Variants in MSH4 observed in about 807,000 individuals in gnomAD.
MSH4 encodes the protein mutS homolog 4, also known as mutS protein homolog 4.
MSH4 carries 106 observed loss-of-function variants against 113.7 expected under a neutral mutation model. The observed-to-expected ratio is 0.93, with a 90% CI of 0.80 to 1.10. The LOEUF (loss-of-function observed/expected upper bound fraction) is 1.10, where lower values mean the gene tolerates loss of function less well. Among genes scored for constraint, MSH4 ranks in the 50% least tolerant of loss-of-function variants. The pLI, the probability that MSH4 is intolerant of heterozygous loss-of-function variation, is 0.00. For synonymous variants in MSH4, 368 were observed against 380.2 expected, an observed-to-expected ratio of 0.97 and a Z score of 0.37; for missense variants, 1,061 against 1,093.7, an observed-to-expected ratio of 0.97 and a Z score of 0.42.
intron 8 of MSH4, among the ~76,000 whole-genome samples, chr1:75,850,047 T>G (rs1651153583): frequency 6.6e-6 from 1 of 152,126 alleles, no homozygotes; most frequent in Non-Finnish European, 1.5e-5. Flanking sequence ...ACTGATAATT[T>G]TAATATGTTC....
intron 7 of MSH4, among the ~76,000 whole-genome samples, chr1:75,837,006 G>A (rs796386778): frequency 6.6e-6 from 1 of 152,156 alleles, no homozygotes; most frequent in Non-Finnish European, 1.5e-5. Flanking sequence ...AGCATTTGCT[G>A]TGATCTACAT....
chr1:75,886,841 AT>A (rs1557525416), intron 15 of MSH4, among the ~76,000 whole-genome samples: 22 of 1,104 alleles, frequency 0.02, no homozygotes, highest in Admixed American at 0.067. Context: ...TATATATATT[AT>A]ATATATATAT....
chr1:75,912,329 C>A (rs1652804187), intron 19 of MSH4, among the ~76,000 whole-genome samples: 1 of 151,958 alleles, frequency 6.6e-6, no homozygotes, highest in Non-Finnish European at 1.5e-5. Flanking sequence ...TTTCCCATAC[C>A]TTTTTAATGG....
At chr1:75,869,560 C>T (rs1651666313) in intron 9 of MSH4, among the ~76,000 whole-genome samples, 1 of 152,150 alleles carries the variant, frequency 6.6e-6, no homozygotes, top group South Asian at 2.1e-4. Flanking sequence ...TTGCTCTGTG[C>T]AGCCTAGGGA....
chr1:75,854,002 AGT>A (rs147430823), intron 8 of MSH4, among the ~76,000 whole-genome samples: 2,840 of 22,124 alleles, frequency 0.13, 127 homozygotes, highest in African/African-American at 0.2. Flanking sequence ...CTAGGGCATA[AGT>A]GTGTGTGTGT....
chr1:75,894,212 G>A (rs1273483103), intron 17 of MSH4, among the ~76,000 whole-genome samples: 1 of 152,188 alleles, frequency 6.6e-6, no homozygotes, highest in Non-Finnish European at 1.5e-5. Flanking sequence ...GGATCCCAGG[G>A]TGGTAGGGGC....
intron 7 of MSH4, among the ~76,000 whole-genome samples, chr1:75,832,507 C>T (rs1036975749): frequency 1.7e-4 from 26 of 152,246 alleles, no homozygotes; most frequent in South Asian, 1.0e-3. Flanking sequence ...GACCAATATC[C>T]CTGATGAACA....
intron 6 of MSH4, 71 bp downstream of exon 6, chr1:75,816,617 A>C: frequency 1.0e-6 from 1 of 966,410 alleles, no homozygotes; most frequent in Non-Finnish European, 1.4e-6. Context: ...GGTAACTTTA[A>C]AGTTCTTTTT....
chr1:75,811,491 A>T (rs1435141675), intron 4 of MSH4, among the ~76,000 whole-genome samples: 2 of 152,210 alleles, frequency 1.3e-5, no homozygotes, highest in Non-Finnish European at 2.9e-5. Flanking sequence ...ACTGGTTGAA[A>T]TTGAAGTTCT....
chr1:75,800,797 C>A (rs1049276204), intron 1 of MSH4, among the ~76,000 whole-genome samples: 2 of 151,960 alleles, frequency 1.3e-5, no homozygotes, highest in African/African-American at 4.8e-5. Context: ...AGGTTTATGC[C>A]CAAGAGATAG....
chr1:75,882,115 A>T (rs920944341), intron 14 of MSH4, among the ~76,000 whole-genome samples: 1 of 152,062 alleles, frequency 6.6e-6, no homozygotes, highest in Non-Finnish European at 1.5e-5. Context: ...TGGAAATATT[A>T]ACTTTTTCTA....
At chr1:75,893,582 G>C (rs531961123) in intron 17 of MSH4, among the ~76,000 whole-genome samples, 1 of 152,294 alleles carries the variant, frequency 6.6e-6, no homozygotes, top group South Asian at 2.1e-4. Context: ...CCCAGCCAAT[G>C]CTGAGTCTCC....
At chr1:75,882,121 T>C (rs1025368548) in intron 14 of MSH4, among the ~76,000 whole-genome samples, 1 of 152,116 alleles carries the variant, frequency 6.6e-6, no homozygotes, top group African/African-American at 2.4e-5. Flanking sequence ...TATTAACTTT[T>C]TCTATTGGTA....
intron 15 of MSH4, among the ~76,000 whole-genome samples, chr1:75,885,790 ATAC>A (rs1489259191): frequency 8.5e-6 from 1 of 117,656 alleles, no homozygotes; most frequent in African/African-American, 3.3e-5. Context: ...TATAGTATAT[ATAC>A]TATATAATGT....
In MSH4 at chr1:75,797,238, T is replaced by TG; in HGVS notation, c.244+10dup. The stretch of plus-strand genomic sequence containing the variant: ...CTCCCGGCCAGCTCAAGGCAAGGAG[T>TG]GATTGGGTGGAGGAGTCTCCTTGAG... On this transcript the variant is annotated intron_variant, in intron 1 of 19. Transcript: ENST00000263187. 6.3e-7 allele frequency: 1 copy of TG among 1,598,182 alleles called. No homozygotes were observed. Among genetic ancestry groups the TG allele is most frequent in the Non-Finnish European group, 8.5e-7 (1 of 1,173,218 alleles).
chr1:75,823,025 C>CA (rs1438973744), intron 7 of MSH4, among the ~76,000 whole-genome samples: 2 of 152,094 alleles, frequency 1.3e-5, no homozygotes, highest in Non-Finnish European at 2.9e-5. Context: ...AAGCTAGAAA[C>CA]TTAAAATAAG....
At chr1:75,851,819 T>A (rs924508940) in intron 8 of MSH4, among the ~76,000 whole-genome samples, 17 of 152,216 alleles carry the variant, frequency 1.1e-4, no homozygotes, top group Admixed American at 4.6e-4. Context: ...TGTAACATGT[T>A]TAACTTCTAC....
intron 19 of MSH4, among the ~76,000 whole-genome samples, chr1:75,905,149 T>G (rs77742661): frequency 2.8e-4 from 14 of 50,402 alleles, no homozygotes; most frequent in Non-Finnish European, 5.1e-4. Flanking sequence ...GTTGTTGTTG[T>G]TTTTTTTTAA....
intron 8 of MSH4, among the ~76,000 whole-genome samples, chr1:75,854,011 G>GTATATATATATATATATATA (rs72458089): frequency 0.023 from 2,529 of 111,772 alleles, 120 homozygotes; most frequent in South Asian, 0.028. Flanking sequence ...AAGTGTGTGT[G>GTATATATATATATATATATA]TGTATATATA....
Sources: gnomAD v4.1 joint callset for allele counts (sites outside exome capture counted in the v4.1 genomes callset) on GRCh38, gnomAD v4.1.1 for gene constraint, MANE v1.5 for transcripts, NCBI Gene and HGNC (gene_info 2026-07-23, HGNC 2026-07-21) for gene names.